The following TBC1D10A variants were observed in gnomAD, a reference collection of about 807,000 sequenced individuals.
TBC1D10A encodes the protein TBC1 domain family member 10A.
In TBC1D10A, 24 loss-of-function variants were observed where a neutral mutation model predicts 52.9. That is an observed-to-expected ratio of 0.45 (90% CI 0.33 to 0.64). The LOEUF is 0.64. Ranked by LOEUF, TBC1D10A falls within the 30% of genes least tolerant of loss-of-function variation. The probability of loss-of-function intolerance (pLI) is 0.02; values close to 1 mark genes in which losing one functional copy is unlikely to be tolerated. For missense variants in TBC1D10A, 602 were observed against 687.9 expected, an observed-to-expected ratio of 0.88 and a Z score of 1.40; for synonymous variants, 278 against 282.9, an observed-to-expected ratio of 0.98 and a Z score of 0.17.
intron 1 of TBC1D10A, among the ~76,000 whole-genome samples, chr22:30,308,292 A>ATGCCTGAATGCCTGCC (rs1930353073): frequency 1.3e-5 from 1 of 78,718 alleles, no homozygotes; most frequent in East Asian, 5.9e-4. Flanking sequence ...GCATGCCTGC[A>ATGCCTGAATGCCTGCC]TGCCTGCATG....
intron 1 of TBC1D10A, among the ~76,000 whole-genome samples, chr22:30,314,158 G>A (rs1413732890): frequency 6.6e-6 from 1 of 152,110 alleles, no homozygotes; most frequent in Non-Finnish European, 1.5e-5. Flanking sequence ...TCAAGCAGGG[G>A]ATGGCACTGG....
intron 2 of TBC1D10A, among the ~76,000 whole-genome samples, chr22:30,302,480 G>C (rs965536867): frequency 4.6e-5 from 7 of 152,198 alleles, no homozygotes; most frequent in African/African-American, 1.7e-4. Context: ...AGAAGTGTTG[G>C]GTCTGAGCCC....
At position 30,292,611 on chromosome 22, in the gene TBC1D10A, C is replaced by A. The variant is rs1033312863; in HGVS notation, c.1291G>T (p.Ala431Ser). The change falls in exon 9 of 9, where the codon GCC becomes TCC. Residue 431 changes from alanine to serine, a missense_variant. By Grantham distance (99) the Ala-to-Ser change is moderately conservative. Around this residue, in one of 3 missense-constraint regions of TBC1D10A, gnomAD observed 265 missense variants for 275.1 expected, o/e 0.96. Coordinates refer to ENST00000215790, the MANE Select transcript of TBC1D10A (RefSeq NM_031937.3). Reference sequence around the variant, plus strand: ...ATCTGTTTCCGCTGCTCCTTCTGGGCCTGCTTGGGTGGCTTGGGCTTGGCT... The same window carrying A: ...ATCTGTTTCCGCTGCTCCTTCTGGGACTGCTTGGGTGGCTTGGGCTTGGCT... ...SKAKPKPPKQAQKEQRKQMKG... is the reference protein window; with the variant it reads ...SKAKPKPPKQSQKEQRKQMKG... The A allele has an allele frequency of 6.2e-7, 1 of 1,613,594 alleles. No homozygotes were observed. The highest frequency in any genetic ancestry group is 8.5e-7 in the Non-Finnish European group (1 of 1,179,810).
rs114888894 is a variant in TBC1D10A at position 30,303,853 on chromosome 22, G to A, written c.309+678C>T. ...AGTGGTGGGCAAGAATGTTCCCACAGGGCAATAGAGCTAGTGTCTAAAGAC... is the reference window on the plus strand; with the variant it reads ...AGTGGTGGGCAAGAATGTTCCCACAAGGCAATAGAGCTAGTGTCTAAAGAC... On this transcript the variant is annotated intron_variant, in intron 2 of 8. Coordinates refer to ENST00000215790, the MANE Select transcript of TBC1D10A (RefSeq NM_031937.3). 2.0e-3 allele frequency among the ~76,000 whole-genome samples: 303 copies of A among 152,348 alleles called. 1 individual carries two copies. The highest frequency in any genetic ancestry group is 6.4e-3 in the African/African-American group (265 of 41,586).
intron 1 of TBC1D10A, among the ~76,000 whole-genome samples, chr22:30,324,848 G>C (rs921039434): frequency 6.6e-6 from 1 of 152,166 alleles, no homozygotes; most frequent in Admixed American, 6.5e-5. Flanking sequence ...GCTAGCAAGT[G>C]TAATTCCTAA....
intron 1 of TBC1D10A, among the ~76,000 whole-genome samples, chr22:30,322,974 T>C (rs1427771084): frequency 6.7e-6 from 1 of 150,052 alleles, no homozygotes; most frequent in Non-Finnish European, 1.5e-5. Flanking sequence ...CATCTTGGCT[T>C]ACTGCAACCT....
At chr22:30,312,642 T>C (rs1930448889) in intron 1 of TBC1D10A, among the ~76,000 whole-genome samples, 1 of 152,162 alleles carries the variant, frequency 6.6e-6, no homozygotes, top group East Asian at 1.9e-4. Flanking sequence ...CCTGTTCCCC[T>C]GCACATCCCT....
intron 1 of TBC1D10A, among the ~76,000 whole-genome samples, chr22:30,312,890 C>T: frequency 6.6e-6 from 1 of 152,236 alleles, no homozygotes; most frequent in Middle Eastern, 3.4e-3. Flanking sequence ...AAAATGTGGT[C>T]CCTGCCCTTG....
Position 30,293,714 on chromosome 22 carries a change from C to G in TBC1D10A, c.987G>C (p.Glu329Asp), listed in dbSNP as rs746058854. Residue 329 changes from glutamate (E) to aspartate (D), a missense_variant, in exon 8 of 9, where the codon GAG (glutamate) becomes GAC (aspartate). Glu to Asp is a conservative substitution (Grantham distance 45). Around this residue, in one of 3 missense-constraint regions of TBC1D10A, gnomAD observed 265 missense variants for 275.1 expected, o/e 0.96. Transcript: ENST00000215790. ...TGAGGCTCCGCAGTCGCTCGATGGT[C>G]TCGTACTGGCCCTGGCAGGCTTTGA... ...EKVKACQGQY[E>D]TIERLRSLSP... 1 of 1,613,502 alleles carries G rather than the reference C, an allele frequency of 6.2e-7. No homozygotes were observed. The highest frequency in any genetic ancestry group is 1.7e-5 in the Admixed American group (1 of 60,016).
chr22:30,294,105 C>A lies in TBC1D10A; in HGVS notation c.711G>T (p.Ala237=), dbSNP rs144083947. The A allele has an allele frequency of 1.2e-6, 2 of 1,613,534 alleles. No individual in the cohort carries two copies. Among genetic ancestry groups the A allele is most frequent in the South Asian group, 2.2e-5 (2 of 91,080 alleles). ...LPGYYSEKLE[A]IQLDGEILFS... is the part of the protein sequence containing the mutation. ...AAAGGATCTCCCCGTCCAGCTGGATCGCCTCCTAGGGAGACATCGAGGCCA... is the reference window on the plus strand; with the variant it reads ...AAAGGATCTCCCCGTCCAGCTGGATAGCCTCCTAGGGAGACATCGAGGCCA... Residue 237 remains alanine (A), a synonymous_variant, in exon 7 of 9, where the codon GCG becomes GCT. Coordinates refer to ENST00000215790, the MANE Select transcript of TBC1D10A (RefSeq NM_031937.3).
intron 2 of TBC1D10A, among the ~76,000 whole-genome samples, chr22:30,302,026 C>G (rs1454150644): frequency 6.6e-6 from 1 of 152,214 alleles, no homozygotes; most frequent in Non-Finnish European, 1.5e-5. Flanking sequence ...CAAGAGGCAG[C>G]CCCACATCAT....
intron 1 of TBC1D10A, among the ~76,000 whole-genome samples, chr22:30,315,031 G>A (rs1041397909): frequency 2.6e-5 from 4 of 152,124 alleles, no homozygotes; most frequent in African/African-American, 4.8e-5. Flanking sequence ...TACAGACCAA[G>A]GAAAGGGAAG....
chr22:30,301,389 G>A (rs1026917765), intron 2 of TBC1D10A, among the ~76,000 whole-genome samples: 1 of 152,224 alleles, frequency 6.6e-6, no homozygotes, highest in Non-Finnish European at 1.5e-5. Context: ...ATCTGGATGT[G>A]GGTTTGAATC....
intron 1 of TBC1D10A, among the ~76,000 whole-genome samples, chr22:30,316,489 A>G (rs1930540424): frequency 6.7e-6 from 1 of 149,336 alleles, no homozygotes. Context: ...TAGGGTCTCC[A>G]TTGCCCAGGC....
chr22:30,322,853 C>T (rs1006893823), intron 1 of TBC1D10A, among the ~76,000 whole-genome samples: 1 of 151,392 alleles, frequency 6.6e-6, no homozygotes, highest in African/African-American at 2.4e-5. Context: ...CCTCAGCCTC[C>T]CAAAGTGCTG....
At chr22:30,304,362 C>A (rs1930268016) in intron 2 of TBC1D10A, among the ~76,000 whole-genome samples, 169 bp downstream of exon 2, 1 of 152,180 alleles carries the variant, frequency 6.6e-6, no homozygotes, top group African/African-American at 2.4e-5. Flanking sequence ...GCCCAACCTT[C>A]CCCCTGCCTT....
chr22:30,304,734 C>A, intron 1 of TBC1D10A, 104 bp from the exon 2 acceptor site: 1 of 1,511,270 alleles, frequency 6.6e-7, no homozygotes, highest in Non-Finnish European at 8.8e-7. Context: ...TTCCTGCCTA[C>A]CATCCCTGCT....
At chr22:30,307,553 T>A (rs1166052306) in intron 1 of TBC1D10A, among the ~76,000 whole-genome samples, 1 of 152,132 alleles carries the variant, frequency 6.6e-6, no homozygotes, top group Non-Finnish European at 1.5e-5. Flanking sequence ...GGCACACACA[T>A]GTTTATCCCT....
intron 8 of TBC1D10A, 169 bp from the exon 9 acceptor site, chr22:30,293,020 G>T: frequency 1.4e-6 from 1 of 710,722 alleles, no homozygotes; most frequent in Non-Finnish European, 2.3e-6. Flanking sequence ...GAGCCCCACA[G>T]CTGAGTGCCA....
Sources: gnomAD v4.1 joint callset for allele counts (sites outside exome capture counted in the v4.1 genomes callset) on GRCh38, gnomAD v4.1.1 for gene constraint, gnomAD v4.1.1 regional missense constraint, MANE v1.5 for transcripts, NCBI Gene and HGNC (gene_info 2026-07-23, HGNC 2026-07-21) for gene names.